The following SIAH2 variants were observed in gnomAD, a reference collection of about 807,000 sequenced individuals.
SIAH2 encodes siah E3 ubiquitin protein ligase 2, also known as E3 ubiquitin-protein ligase SIAH2.
SIAH2 carries 4 observed loss-of-function variants against 20.4 expected under a neutral mutation model. The ratio of observed to expected loss-of-function variants is 0.20; its 90% CI spans 0.10 to 0.45. SIAH2 has a LOEUF of 0.45. Among genes scored for constraint, SIAH2 ranks in the 20% least tolerant of loss-of-function variants. SIAH2 has a pLI of 0.99. For synonymous variants in SIAH2, 171 were observed against 192.5 expected, an observed-to-expected ratio of 0.89 and a Z score of 0.93; for missense variants, 259 against 440.3, an observed-to-expected ratio of 0.59 and a Z score of 3.69.
rs575109024 is a variant in SIAH2, at chr3:150,749,850, T to C, written c.418-7152A>G. Among the ~76,000 whole-genome samples, 23 of 152,334 alleles carry C rather than the reference T, an allele frequency of 1.5e-4. 1 individual carries two copies. The highest frequency in any genetic ancestry group is 2.2e-4 in the Non-Finnish European group (15 of 68,030). ...ATCCTTCTAAAGGTTTGCGGGTGCC[T>C]GACAAGTCTGTGGCCTTGGCATGTA... On this transcript the variant is annotated intron_variant, in intron 1 of 1. Coordinates refer to ENST00000312960, the MANE Select transcript of SIAH2 (RefSeq NM_005067.7).
At chr3:150,750,866 C>T (rs542528694) in intron 1 of SIAH2, among the ~76,000 whole-genome samples, 1 of 152,282 alleles carries the variant, frequency 6.6e-6, no homozygotes, top group South Asian at 2.1e-4. Context: ...TAGCCAGTGT[C>T]CTGTGTGACC....
At chr3:150,751,048 C>T (rs1489493824) in intron 1 of SIAH2, among the ~76,000 whole-genome samples, 2 of 152,208 alleles carry the variant, frequency 1.3e-5, no homozygotes, top group African/African-American at 4.8e-5. Flanking sequence ...ATTCAACCTG[C>T]ATCTGTCTAG....
chr3:150,750,088 A>T (rs1254201464), intron 1 of SIAH2, among the ~76,000 whole-genome samples: 1 of 152,204 alleles, frequency 6.6e-6, no homozygotes, highest in East Asian at 1.9e-4. Flanking sequence ...GATAATTAGG[A>T]CTTGTGCAAA....
intron 1 of SIAH2, among the ~76,000 whole-genome samples, chr3:150,758,141 T>C (rs1490601297): frequency 6.6e-6 from 1 of 152,210 alleles, no homozygotes; most frequent in African/African-American, 2.4e-5. Flanking sequence ...TGTCTAACCT[T>C]ACTTGGTTTT....
At chr3:150,754,599 C>G (rs1379986215) in intron 1 of SIAH2, among the ~76,000 whole-genome samples, 1 of 152,042 alleles carries the variant, frequency 6.6e-6, no homozygotes, top group African/African-American at 2.4e-5. Flanking sequence ...AGAAAAACTC[C>G]ACCGATGTAG....
chr3:150,748,360 TATGAA>T, intron 1 of SIAH2, among the ~76,000 whole-genome samples: 1 of 152,356 alleles, frequency 6.6e-6, no homozygotes, highest in Non-Finnish European at 1.5e-5. Context: ...TATGTTTACT[TATGAA>T]ATGAGTATGC....
rs919074022 is a variant in SIAH2 at position 150,742,626 on chromosome 3, G to A, written c.490C>T (p.Arg164Cys). Residue 164 changes from arginine (R) to cysteine (C), a missense_variant, in exon 2 of 2, where the codon CGT (arginine) becomes TGT (cysteine). By Grantham distance (180) the Arg-to-Cys change is radical (BLOSUM62 -3). This residue lies in a region of SIAH2 where 160 missense variants were observed against 327.6 expected (regional missense o/e 0.49). Transcript: ENST00000312960. The surrounding 1 kb of genome is among the most constrained non-coding windows in gnomAD (Gnocchi z 4.8). ...CCAGGACATGGGCAGGAGTAGGGAC[G>A]GTATTCACATATGTCTTCATGTTCT... ...KPEHEDICEY[R>C]PYSCPCPGAS... is the part of the protein sequence containing the mutation. 6.2e-7 allele frequency: 1 copy of A among 1,605,936 alleles called. No individual in the cohort carries two copies. The highest frequency in any genetic ancestry group is 8.5e-7 in the Non-Finnish European group (1 of 1,175,628).
At chr3:150,753,225 G>A (rs1714408747) in intron 1 of SIAH2, among the ~76,000 whole-genome samples, 1 of 152,172 alleles carries the variant, frequency 6.6e-6, no homozygotes, top group South Asian at 2.1e-4. Flanking sequence ...AAAGACGAGA[G>A]GGGTGAGCAG....
intron 1 of SIAH2, among the ~76,000 whole-genome samples, chr3:150,749,930 C>T (rs937629893): frequency 5.9e-5 from 9 of 152,154 alleles, no homozygotes; most frequent in Non-Finnish European, 1.3e-4. Context: ...TTGTTCTAGA[C>T]CCATTTGAAA....
intron 1 of SIAH2, among the ~76,000 whole-genome samples, chr3:150,743,321 T>G: frequency 6.6e-6 from 1 of 152,184 alleles, no homozygotes; most frequent in East Asian, 1.9e-4. Context: ...CCCCACTGCA[T>G]CCTTTTGACC....
At position 150,742,840 on chromosome 3, in the gene SIAH2, C is replaced by G; in HGVS notation, c.418-142G>C. ...TTTTGCTCAAAGCAAGTGAAATATTCAAGACTAAAAGTCTCCGTCTCTATT... is the reference window on the plus strand; with the variant it reads ...TTTTGCTCAAAGCAAGTGAAATATTGAAGACTAAAAGTCTCCGTCTCTATT... On this transcript the variant is annotated intron_variant, in intron 1 of 1. Coordinates refer to ENST00000312960, the MANE Select transcript of SIAH2 (RefSeq NM_005067.7). The surrounding 1 kb of genome is among the most constrained non-coding windows in gnomAD (Gnocchi z 4.8). 3.3e-6 allele frequency: 2 copies of G among 612,646 alleles called. No individual in the cohort carries two copies. The allele number at this position is 612,646 out of a possible 1,614,324, so 38.0% of individuals were successfully genotyped here. A position where few individuals can be genotyped will look rare whatever the true frequency, so the allele number is the denominator to read the frequency against.
intron 1 of SIAH2, among the ~76,000 whole-genome samples, chr3:150,759,025 G>A (rs1028732772): frequency 4.0e-5 from 6 of 151,566 alleles, no homozygotes; most frequent in Admixed American, 3.9e-4. Flanking sequence ...GATTACAGAC[G>A]TGAGCCACTG....
At chr3:150,744,611 G>C (rs1008972017) in intron 1 of SIAH2, among the ~76,000 whole-genome samples, 1 of 152,066 alleles carries the variant, frequency 6.6e-6, no homozygotes, top group Admixed American at 6.6e-5. Context: ...AGACATTTCT[G>C]TCCAGTTTAA....
intron 1 of SIAH2, among the ~76,000 whole-genome samples, chr3:150,761,169 T>G (rs1482778485): frequency 6.6e-6 from 1 of 152,192 alleles, no homozygotes; most frequent in East Asian, 1.9e-4. Context: ...CAAGGAGAAA[T>G]GCAAGACAGC....
intron 1 of SIAH2, among the ~76,000 whole-genome samples, chr3:150,754,071 C>T (rs181438368): frequency 5.9e-5 from 9 of 152,126 alleles, no homozygotes; most frequent in East Asian, 5.8e-4. Context: ...AAAGCAGTCA[C>T]GATGTGTTAG....
chr3:150,748,196 T>C (rs116156942), intron 1 of SIAH2, among the ~76,000 whole-genome samples: 1,809 of 152,238 alleles, frequency 0.012, 38 homozygotes, highest in South Asian at 0.073. Flanking sequence ...TTCCTGGGTG[T>C]GGGGTTTGAA....
chr3:150,758,951 G>T (rs1298904773), intron 1 of SIAH2, among the ~76,000 whole-genome samples: 1 of 151,858 alleles, frequency 6.6e-6, no homozygotes, highest in Non-Finnish European at 1.5e-5. Flanking sequence ...CTCCATGTTG[G>T]TCAGGCTGGT....
At chr3:150,744,829 C>T (rs1714173534) in intron 1 of SIAH2, among the ~76,000 whole-genome samples, 3 of 152,190 alleles carry the variant, frequency 2.0e-5, no homozygotes, top group African/African-American at 7.2e-5. Context: ...TCATGACGAA[C>T]TCAACATTTA....
intron 1 of SIAH2, among the ~76,000 whole-genome samples, chr3:150,747,596 A>G (rs1714248082): frequency 6.6e-6 from 1 of 152,070 alleles, no homozygotes; most frequent in Non-Finnish European, 1.5e-5. Flanking sequence ...TTTTAAGTAA[A>G]CATCTCTAAA....
Sources: allele counts gnomAD v4.1 joint callset (sites outside exome capture counted in the v4.1 genomes callset), GRCh38; gene constraint gnomAD v4.1.1; regional missense constraint gnomAD v4.1.1; non-coding constraint Gnocchi (gnomAD v3.1); transcripts MANE v1.5; gene names NCBI Gene and HGNC (gene_info 2026-07-23, HGNC 2026-07-21).